The following CSMD3 variants were observed in gnomAD, a reference collection of about 807,000 sequenced individuals.
CSMD3 encodes the protein CUB and Sushi multiple domains 3, also known as CUB and sushi domain-containing protein 3.
In CSMD3, 177 loss-of-function variants were observed where a neutral mutation model predicts 435.2. The observed-to-expected ratio is 0.41, with a 90% CI of 0.36 to 0.46. The LOEUF (loss-of-function observed/expected upper bound fraction) is 0.46, where lower values mean the gene tolerates loss of function less well. CSMD3 is among the 20% of genes least tolerant of loss of function. The probability of loss-of-function intolerance (pLI) is 0.34; values close to 1 mark genes in which losing one functional copy is unlikely to be tolerated. For synonymous variants in CSMD3, 1,656 were observed against 1,520.5 expected (o/e 1.09, Z -2.07); for missense variants, 4,265 against 4,504.6 (o/e 0.95, Z 1.52).
At chr8:113,134,599 C>G (rs2091367430) in intron 4 of CSMD3, among the ~76,000 whole-genome samples, 2 of 151,880 alleles carry the variant, frequency 1.3e-5, no homozygotes, top group Admixed American at 1.3e-4. Flanking sequence ...ATGCACATAC[C>G]TATATTTATA....
chr8:112,440,677 C>T lies in CSMD3; in HGVS notation c.5396-31645G>A, dbSNP rs7823968. Among the ~76,000 whole-genome samples, 1,003 of 152,348 alleles carry T rather than the reference C, an allele frequency of 6.6e-3. 10 individuals carry two copies. Among genetic ancestry groups the T allele is most frequent in the African/African-American group, 0.023 (961 of 41,586 alleles). On this transcript the variant is annotated intron_variant, in intron 32 of 70. Coordinates refer to ENST00000297405, the MANE Select transcript of CSMD3 (RefSeq NM_198123.2). ...GAAATCGAGGCAGAGGTTCCCAAAC[C>T]TCAATTCTTGATTTTTGTGTACCCA...
chr8:112,503,376 C>T (rs765788946), intron 30 of CSMD3, among the ~76,000 whole-genome samples: 16 of 152,352 alleles, frequency 1.1e-4, no homozygotes, highest in Non-Finnish European at 2.1e-4. Context: ...ACTGATGGCA[C>T]CCAGCTTACA....
At chr8:112,552,564 AG>A in intron 26 of CSMD3, 29 bp downstream of exon 26, 6 of 1,603,936 alleles carry the variant, frequency 3.7e-6, no homozygotes, top group Non-Finnish European at 5.1e-6. Context: ...CAGATTCCCT[AG>A]TAATGTTGAG....
chr8:112,474,110 A>T (rs1376800174), intron 31 of CSMD3, among the ~76,000 whole-genome samples: 1 of 152,190 alleles, frequency 6.6e-6, no homozygotes, highest in African/African-American at 2.4e-5. Context: ...CAACTGGAGC[A>T]GCTCTCTGCA....
chr8:112,223,895 G>A lies in CSMD3; in HGVS notation c.*876C>T, dbSNP rs2129741909. On this transcript the variant is annotated 3_prime_UTR_variant, in exon 71 of 71. Transcript: ENST00000297405. ...GGTAAGTTTGGTGTCTCAGATAACT[G>A]CAAAATAATAATTTTTCTAGATAAT... 1 of 152,188 alleles carries A rather than the reference G, an allele frequency of 6.6e-6. No individual in the cohort carries two copies. Among genetic ancestry groups the A allele is most frequent in the East Asian group, 1.9e-4 (1 of 5,182 alleles). The allele number at this position is 152,188 out of a possible 1,614,324, so 9.4% of individuals were successfully genotyped here.
chr8:112,912,973 C>T (rs999437873), intron 10 of CSMD3, among the ~76,000 whole-genome samples: 1 of 151,992 alleles, frequency 6.6e-6, no homozygotes, highest in African/African-American at 2.4e-5. Flanking sequence ...GTTCATACTC[C>T]ATTTTCTAAA....
chr8:113,288,687 T>C (rs999834041), intron 2 of CSMD3, among the ~76,000 whole-genome samples: 25 of 151,900 alleles, frequency 1.6e-4, no homozygotes, highest in Non-Finnish European at 2.8e-4. Flanking sequence ...AAAATGTTAA[T>C]TAGCATATTT....
chr8:112,497,734 A>T (rs1383329459), intron 30 of CSMD3, among the ~76,000 whole-genome samples: 1 of 152,028 alleles, frequency 6.6e-6, no homozygotes, highest in Non-Finnish European at 1.5e-5. Context: ...TACAATGATC[A>T]TTATAAACAT....
chr8:112,369,032 T>C (rs1390875819), intron 38 of CSMD3, among the ~76,000 whole-genome samples: 1 of 152,126 alleles, frequency 6.6e-6, no homozygotes, highest in Non-Finnish European at 1.5e-5. Flanking sequence ...GAGGTATCAT[T>C]AGCTAGTTTC....
intron 38 of CSMD3, among the ~76,000 whole-genome samples, chr8:112,375,637 A>G (rs955253819): frequency 7.2e-5 from 11 of 152,120 alleles, no homozygotes; most frequent in Non-Finnish European, 1.6e-4. Context: ...TATTATATAT[A>G]ACTAAATCAT....
chr8:112,360,091 T>G (rs1827042642), intron 38 of CSMD3, among the ~76,000 whole-genome samples: 1 of 152,030 alleles, frequency 6.6e-6, no homozygotes. Flanking sequence ...GATATAAACA[T>G]GTATGCTTTG....
chr8:112,509,835 C>T (rs557326324), intron 28 of CSMD3, among the ~76,000 whole-genome samples: 1 of 152,200 alleles, frequency 6.6e-6, no homozygotes, highest in East Asian at 1.9e-4. Context: ...CTGATAACAC[C>T]TTTCCCTATC....
chr8:113,306,177 C>A (rs925053968), intron 2 of CSMD3, among the ~76,000 whole-genome samples: 2 of 152,002 alleles, frequency 1.3e-5, no homozygotes, highest in African/African-American at 4.8e-5. Flanking sequence ...TTGTTAATAT[C>A]ACATATGTCA....
At chr8:112,705,471 T>C (rs896903114) in intron 13 of CSMD3, among the ~76,000 whole-genome samples, 3 of 152,100 alleles carry the variant, frequency 2.0e-5, no homozygotes, top group Admixed American at 1.3e-4. Flanking sequence ...CTCTGGTCAC[T>C]TCTTTGGATC....
intron 2 of CSMD3, among the ~76,000 whole-genome samples, chr8:113,304,869 C>T (rs1177299279): frequency 7.5e-6 from 1 of 133,250 alleles, no homozygotes; most frequent in East Asian, 2.3e-4. Flanking sequence ...ACATATGTAA[C>T]TAACCTGCAC....
chr8:112,739,921 C>T (rs1386907377), intron 13 of CSMD3, among the ~76,000 whole-genome samples: 1 of 151,730 alleles, frequency 6.6e-6, no homozygotes, highest in African/African-American at 2.4e-5. Context: ...TAACACTAAA[C>T]TCTCACATAA....
chr8:112,442,867 A>G (rs1457427287), intron 32 of CSMD3, among the ~76,000 whole-genome samples: 1 of 152,188 alleles, frequency 6.6e-6, no homozygotes, highest in Non-Finnish European at 1.5e-5. Flanking sequence ...ACATGCAGAC[A>G]AGGCCAACAG....
chr8:112,550,540 T>C (rs1383988126), intron 27 of CSMD3, 131 bp downstream of exon 27: 6 of 604,624 alleles, frequency 9.9e-6, no homozygotes, highest in African/African-American at 1.9e-5. Context: ...TGCAGAAATA[T>C]AGGAAGACTA....
At chr8:113,315,602 T>A (rs2093903255) in intron 1 of CSMD3, among the ~76,000 whole-genome samples, 1 of 136,894 alleles carries the variant, frequency 7.3e-6, no homozygotes, top group Non-Finnish European at 1.6e-5. Flanking sequence ...GTATATATAT[T>A]AAATATATAT....
Sources: allele counts gnomAD v4.1 joint callset (sites outside exome capture counted in the v4.1 genomes callset), GRCh38; gene constraint gnomAD v4.1.1; transcripts MANE v1.5; gene names NCBI Gene and HGNC (gene_info 2026-07-23, HGNC 2026-07-21).